Variants in HDAC9 observed in about 807,000 individuals in gnomAD.
The protein encoded by HDAC9 is MEF-2 interacting transcription repressor (MITR) protein.
HDAC9 carries 41 observed loss-of-function variants against 139.4 expected under a neutral mutation model. The observed-to-expected ratio is 0.29, with a 90% CI of 0.23 to 0.38. The LOEUF is 0.38. Ranked by LOEUF, HDAC9 falls within the 10% of genes least tolerant of loss-of-function variation. The pLI is 1.00. For synonymous variants in HDAC9, 517 were observed against 476.2 expected (o/e 1.09, Z -1.12); for missense variants, 1,147 against 1,297.0 (o/e 0.88, Z 1.78).
intron 2 of HDAC9, among the ~76,000 whole-genome samples, chr7:18,265,381 T>C (rs177340): frequency 0.015 from 2,310 of 152,290 alleles, 67 homozygotes; most frequent in African/African-American, 0.054. Context: ...ACGGAATTTC[T>C]AGGTTCAAAA....
intron 2 of HDAC9, among the ~76,000 whole-genome samples, chr7:18,527,189 A>C (rs1327979113): frequency 6.6e-6 from 1 of 152,122 alleles, no homozygotes; most frequent in East Asian, 1.9e-4. Context: ...AGGACTAGGA[A>C]GTGGTAGTGG....
At chr7:18,224,780 T>A (rs1792939978) in intron 2 of HDAC9, among the ~76,000 whole-genome samples, 1 of 151,890 alleles carries the variant, frequency 6.6e-6, no homozygotes, top group Non-Finnish European at 1.5e-5. Flanking sequence ...AAAAGAAATA[T>A]GAGGATGTAA....
intron 12 of HDAC9, among the ~76,000 whole-genome samples, chr7:18,692,213 T>C (rs912442989): frequency 6.6e-6 from 1 of 152,082 alleles, no homozygotes; most frequent in Non-Finnish European, 1.5e-5. Context: ...ACTTTCCAAA[T>C]TGTGTTTTAA....
At chr7:18,885,582 A>C (rs555339222) in intron 22 of HDAC9, among the ~76,000 whole-genome samples, 44 of 152,232 alleles carry the variant, frequency 2.9e-4, no homozygotes, top group Non-Finnish European at 5.3e-4. Context: ...ACAGAGATGA[A>C]GACTAACAAA....
At chr7:18,890,247 G>A (rs2129268239) in intron 22 of HDAC9, among the ~76,000 whole-genome samples, 1 of 152,314 alleles carries the variant, frequency 6.6e-6, no homozygotes, top group East Asian at 1.9e-4. Context: ...TTTAATGCCT[G>A]CATAGCAACT....
At chr7:18,870,466 T>G (rs1407253312) in intron 21 of HDAC9, among the ~76,000 whole-genome samples, 27 of 152,196 alleles carry the variant, frequency 1.8e-4, no homozygotes, top group Admixed American at 1.8e-3. Flanking sequence ...CTGCTTTGCC[T>G]TTAATGCATC....
chr7:18,517,540 T>C (rs927188694), intron 2 of HDAC9: 9 of 152,222 alleles, frequency 5.9e-5, no homozygotes, highest in African/African-American at 2.2e-4. Context: ...AGTTCTTCTA[T>C]ACATTCATTC....
chr7:18,797,214 A>C (rs866861566), intron 17 of HDAC9, among the ~76,000 whole-genome samples: 54 of 152,314 alleles, frequency 3.5e-4, no homozygotes, highest in African/African-American at 1.3e-3. Flanking sequence ...AAATATGTAA[A>C]TCTGATAATC....
chr7:18,267,816 G>A (rs1409335007), intron 2 of HDAC9, among the ~76,000 whole-genome samples: 1 of 152,086 alleles, frequency 6.6e-6, no homozygotes. Context: ...ATACCCAGTA[G>A]TGGGATTGCT....
Position 18,585,517 on chromosome 7 carries a change from A to G in HDAC9, c.259A>G (p.Ile87Val). 2 of 1,613,512 alleles carry G rather than the reference A, an allele frequency of 1.2e-6. No individual in the cohort carries two copies. The highest frequency in any genetic ancestry group is 1.7e-6 in the Non-Finnish European group (2 of 1,179,700). The change falls in exon 3 of 26, where the codon ATC becomes GTC. Residue 87 changes from isoleucine (I) to valine (V), a missense_variant. Coordinates refer to ENST00000686413, the MANE Select transcript of HDAC9 (RefSeq NM_178425.4). ...RQHQAQLQEH[I>V]KLQQELLAIK... ...GCACCAGGCTCAGCTTCAGGAGCAT[A>G]TCAAGGTAGCAAATGCTTCTTTGTC...
At chr7:18,783,084 G>A (rs1351427828) in intron 16 of HDAC9, among the ~76,000 whole-genome samples, 3 of 151,984 alleles carry the variant, frequency 2.0e-5, no homozygotes, top group Admixed American at 6.6e-5. Context: ...ACAATTTCTC[G>A]AAATCCTGGG....
chr7:18,675,005 G>C (rs1781411599), intron 12 of HDAC9, among the ~76,000 whole-genome samples: 1 of 151,736 alleles, frequency 6.6e-6, no homozygotes, highest in Non-Finnish European at 1.5e-5. Flanking sequence ...AGATTAATTT[G>C]AATGACCTCT....
intron 25 of HDAC9, among the ~76,000 whole-genome samples, chr7:18,985,382 A>C (rs535916001): frequency 7.3e-4 from 111 of 152,292 alleles, no homozygotes; most frequent in Middle Eastern, 3.4e-3. Context: ...ATCCATGTCC[A>C]TACAAAGGAC....
At chr7:18,174,033 G>A (rs1437702173) in intron 2 of HDAC9, among the ~76,000 whole-genome samples, 1 of 152,178 alleles carries the variant, frequency 6.6e-6, no homozygotes. Flanking sequence ...ATAATATCCT[G>A]AAGAGTGTTT....
intron 23 of HDAC9, among the ~76,000 whole-genome samples, chr7:18,946,175 C>T (rs1782392286): frequency 1.4e-5 from 2 of 146,270 alleles, no homozygotes; most frequent in Non-Finnish European, 3.0e-5. Flanking sequence ...GTGATATTAT[C>T]AGACTGTCTT....
At chr7:18,095,949 A>G (rs1257072074) in intron 1 of HDAC9, among the ~76,000 whole-genome samples, 2 of 152,176 alleles carry the variant, frequency 1.3e-5, no homozygotes, top group African/African-American at 4.8e-5. Context: ...CAAACAAACA[A>G]TGTTAACTTT....
intron 16 of HDAC9, among the ~76,000 whole-genome samples, chr7:18,786,816 CTTCATTCCTTCCTTCCTTCA>C (rs1338575632): frequency 3.7e-4 from 30 of 82,084 alleles, no homozygotes; most frequent in East Asian, 7.1e-4. Context: ...TCCTTCCTTC[CTTCATTCCTTCCTTCCTTCA>C]TTCCTTCCTT....
At chr7:18,709,524 T>G (rs1222368275) in intron 12 of HDAC9, among the ~76,000 whole-genome samples, 1 of 152,236 alleles carries the variant, frequency 6.6e-6, no homozygotes, top group Non-Finnish European at 1.5e-5. Context: ...ACAAGTATTT[T>G]TTTAAGAACT....
At chr7:18,828,391 G>A (rs989240314) in intron 17 of HDAC9, among the ~76,000 whole-genome samples, 1 of 152,202 alleles carries the variant, frequency 6.6e-6, no homozygotes, top group Non-Finnish European at 1.5e-5. Context: ...AGGATTTATA[G>A]TTCCCTGCCT....
Sources: allele counts gnomAD v4.1 joint callset (sites outside exome capture counted in the v4.1 genomes callset), GRCh38; gene constraint gnomAD v4.1.1; transcripts MANE v1.5; gene names NCBI Gene and HGNC (gene_info 2026-07-23, HGNC 2026-07-21).